The following SSBP2 variants were observed in gnomAD, a reference collection of about 807,000 sequenced individuals.
SSBP2 encodes single-stranded DNA-binding protein 2.
In SSBP2, 17 loss-of-function variants were observed where a neutral mutation model predicts 61.8. The observed-to-expected ratio is 0.28, with a 90% CI of 0.19 to 0.41. The LOEUF (loss-of-function observed/expected upper bound fraction) is 0.41. SSBP2 is among the 10% of genes least tolerant of loss of function. The pLI, the probability that SSBP2 is intolerant of heterozygous loss-of-function variation, is 1.00. For missense variants in SSBP2, 310 were observed against 458.7 expected, an observed-to-expected ratio of 0.68 and a Z score of 2.96; for synonymous variants, 139 against 141.3, an observed-to-expected ratio of 0.98 and a Z score of 0.12.
chr5:81,670,938 A>G (rs1323847396), intron 1 of SSBP2, among the ~76,000 whole-genome samples: 2 of 152,168 alleles, frequency 1.3e-5, no homozygotes, highest in Non-Finnish European at 2.9e-5. Context: ...ATTCACCATT[A>G]AGTGATGCCA....
Position 81,422,235 on chromosome 5 carries a change from T to C in SSBP2, c.1057-1702A>G, listed in dbSNP as rs1005131776. On this transcript the variant is annotated intron_variant, in intron 16 of 16. Transcript: ENST00000320672. ...TTTCAGAAAGTTGGCAGAAAGAGAATAAAATGAAGTGAATTATAGACAAGC... is the reference window on the plus strand; with the variant it reads ...TTTCAGAAAGTTGGCAGAAAGAGAACAAAATGAAGTGAATTATAGACAAGC... Among the ~76,000 whole-genome samples, 6 of 151,942 alleles carry C rather than the reference T, an allele frequency of 3.9e-5. No individual in the cohort carries two copies. The East Asian group carries it at 9.7e-4, about 25-fold the overall frequency.
intron 1 of SSBP2, among the ~76,000 whole-genome samples, chr5:81,740,394 A>T (rs1756935867): frequency 6.6e-6 from 1 of 152,234 alleles, no homozygotes; most frequent in Non-Finnish European, 1.5e-5. Flanking sequence ...TATAATCATC[A>T]AATAATTTCA....
chr5:81,688,587 A>T (rs77685765), intron 1 of SSBP2, among the ~76,000 whole-genome samples: 2,402 of 152,292 alleles, frequency 0.016, 52 homozygotes, highest in African/African-American at 0.055. Context: ...TTTGTTTGGA[A>T]GAAAGTAAAG....
intron 3 of SSBP2, among the ~76,000 whole-genome samples, chr5:81,632,229 T>TGTA (rs1747798135): frequency 6.6e-6 from 1 of 152,208 alleles, no homozygotes; most frequent in Non-Finnish European, 1.5e-5. Flanking sequence ...CAAGAACAAA[T>TGTA]GTACTATAAT....
chr5:81,717,142 A>T (rs895007897), intron 1 of SSBP2, among the ~76,000 whole-genome samples: 1 of 152,134 alleles, frequency 6.6e-6, no homozygotes, highest in Non-Finnish European at 1.5e-5. Context: ...GGGTATGGCC[A>T]GAATGCAAGA....
chr5:81,593,654 T>C, intron 4 of SSBP2, among the ~76,000 whole-genome samples: 1 of 152,134 alleles, frequency 6.6e-6, no homozygotes, highest in Admixed American at 6.5e-5. Flanking sequence ...CGGCAGAAAC[T>C]CTACAAGCCA....
intron 3 of SSBP2, among the ~76,000 whole-genome samples, chr5:81,634,875 G>A (rs191825444): frequency 2.0e-3 from 311 of 152,296 alleles, no homozygotes; most frequent in Non-Finnish European, 3.1e-3. Flanking sequence ...AGCTCTTCCA[G>A]GTGAAATGTA....
chr5:81,704,583 G>C (rs935571459), intron 1 of SSBP2, among the ~76,000 whole-genome samples: 29 of 152,084 alleles, frequency 1.9e-4, no homozygotes, highest in Admixed American at 1.9e-3. Flanking sequence ...GGATCACCAG[G>C]TCAGGAGCTC....
intron 5 of SSBP2, among the ~76,000 whole-genome samples, chr5:81,496,733 C>CCTT (rs10634167): frequency 0.43 from 65,038 of 151,846 alleles, 17,284 homozygotes; most frequent in African/African-American, 0.76. Context: ...ACATCCTCCT[C>CCTT]ATTTTATGTA....
At chr5:81,601,200 A>G (rs1283492087) in intron 4 of SSBP2, among the ~76,000 whole-genome samples, 3 of 152,234 alleles carry the variant, frequency 2.0e-5, no homozygotes, top group Non-Finnish European at 4.4e-5. Flanking sequence ...GACTCAATTT[A>G]ATAACACATT....
intron 1 of SSBP2, among the ~76,000 whole-genome samples, chr5:81,700,052 G>A (rs1314721563): frequency 6.6e-6 from 1 of 151,902 alleles, no homozygotes; most frequent in Non-Finnish European, 1.5e-5. Context: ...TCTCCATGTT[G>A]CCCAAGCTAG....
intron 1 of SSBP2, among the ~76,000 whole-genome samples, chr5:81,670,810 T>C (rs766144524): frequency 9.9e-5 from 15 of 152,212 alleles, no homozygotes; most frequent in Non-Finnish European, 1.3e-4. Context: ...TTCTTTAATG[T>C]TTCCCCTATT....
chr5:81,681,532 A>G (rs1752384234), intron 1 of SSBP2, among the ~76,000 whole-genome samples: 1 of 151,880 alleles, frequency 6.6e-6, no homozygotes, highest in African/African-American at 2.4e-5. Context: ...AAAAAAAAAA[A>G]AAAAGAAAAT....
intron 3 of SSBP2, among the ~76,000 whole-genome samples, chr5:81,632,222 G>T (rs1005252222): frequency 6.6e-6 from 1 of 152,122 alleles, no homozygotes; most frequent in African/African-American, 2.4e-5. Flanking sequence ...AACAGCCCAA[G>T]AACAAATGTA....
At chr5:81,482,638 A>G (rs949334734) in intron 6 of SSBP2, among the ~76,000 whole-genome samples, 1 of 152,214 alleles carries the variant, frequency 6.6e-6, no homozygotes, top group African/African-American at 2.4e-5. Flanking sequence ...TGAAGAGACT[A>G]AAGGCCTCAC....
chr5:81,508,293 C>T (rs185168301), intron 5 of SSBP2, among the ~76,000 whole-genome samples: 142 of 152,210 alleles, frequency 9.3e-4, no homozygotes, highest in Admixed American at 6.3e-3. Flanking sequence ...AAGAAAGCTG[C>T]TCTAAAGTCA....
At chr5:81,741,171 GATT>G (rs1169697606) in intron 1 of SSBP2, among the ~76,000 whole-genome samples, 1 of 152,206 alleles carries the variant, frequency 6.6e-6, no homozygotes, top group South Asian at 2.1e-4. Context: ...GTAAAATGGG[GATT>G]ATATCTACTT....
intron 12 of SSBP2, among the ~76,000 whole-genome samples, chr5:81,443,666 G>T (rs1468635674): frequency 6.6e-6 from 1 of 152,230 alleles, no homozygotes; most frequent in East Asian, 1.9e-4. Context: ...GGGTTCAAGC[G>T]ATTCTCTTGC....
At chr5:81,634,469 T>A (rs1748017482) in intron 3 of SSBP2, among the ~76,000 whole-genome samples, 1 of 152,154 alleles carries the variant, frequency 6.6e-6, no homozygotes, top group Admixed American at 6.5e-5. Context: ...CTTGGGAACA[T>A]GTTCTCAGGA....
Sources: allele counts gnomAD v4.1 joint callset (sites outside exome capture counted in the v4.1 genomes callset), GRCh38; gene constraint gnomAD v4.1.1; transcripts MANE v1.5; gene names NCBI Gene and HGNC (gene_info 2026-07-23, HGNC 2026-07-21).